The following KDM2A variants were observed in gnomAD, a reference collection of about 807,000 sequenced individuals.
KDM2A encodes lysine-specific demethylase 2A.
KDM2A carries 3 observed loss-of-function variants against 137.3 expected under a neutral mutation model. That is an observed-to-expected ratio of 0.02 (90% confidence interval 0.01 to 0.06). The LOEUF (loss-of-function observed/expected upper bound fraction) is 0.06, where lower values mean the gene tolerates loss of function less well. Among genes scored for constraint, KDM2A ranks in the 10% least tolerant of loss-of-function variants. The probability of loss-of-function intolerance (pLI) is 1.00; values close to 1 mark genes in which losing one functional copy is unlikely to be tolerated. For synonymous variants in KDM2A, 512 were observed against 541.5 expected (o/e 0.95, Z 0.76); for missense variants, 738 against 1,510.6 (o/e 0.49, Z 8.48).
chr11:67,175,504 G>A (rs953512816), intron 2 of KDM2A, among the ~76,000 whole-genome samples: 10 of 152,216 alleles, frequency 6.6e-5, no homozygotes, highest in African/African-American at 2.2e-4. Flanking sequence ...ATCAAAAAGA[G>A]ATCAGGAATT....
chr11:67,142,590 G>C (rs1221866033), intron 2 of KDM2A, among the ~76,000 whole-genome samples: 213 of 148,726 alleles, frequency 1.4e-3, no homozygotes, highest in African/African-American at 5.0e-3. Context: ...TTGGGGTTGG[G>C]GTTGGGGGGG....
chr11:67,179,354 A>G (rs1590752783), intron 2 of KDM2A, among the ~76,000 whole-genome samples: 1 of 151,518 alleles, frequency 6.6e-6, no homozygotes, highest in Admixed American at 6.6e-5. Flanking sequence ...GCTCACTGCA[A>G]CCTCCACCTC....
At chr11:67,168,285 A>C (rs1276202841) in intron 2 of KDM2A, among the ~76,000 whole-genome samples, 1 of 151,944 alleles carries the variant, frequency 6.6e-6, no homozygotes, top group Non-Finnish European at 1.5e-5. Flanking sequence ...ATGAATCAGC[A>C]TTTTTCTTAT....
chr11:67,221,098 T>G (rs1348270080), intron 10 of KDM2A, among the ~76,000 whole-genome samples: 2 of 152,040 alleles, frequency 1.3e-5, no homozygotes, highest in Non-Finnish European at 2.9e-5. Context: ...CCACTAAGTG[T>G]TGTTTGCTGG....
chr11:67,147,408 G>A (rs1856277463), intron 2 of KDM2A, among the ~76,000 whole-genome samples: 1 of 151,834 alleles, frequency 6.6e-6, no homozygotes, highest in African/African-American at 2.4e-5. Context: ...CGGGTGTGGT[G>A]GCGGGTGCCT....
chr11:67,245,039 T>C lies in KDM2A; in HGVS notation c.1564-150T>C. 1.2e-6 allele frequency: 1 copy of C among 802,888 alleles called. No homozygotes were observed. Among genetic ancestry groups the C allele is most frequent in the Non-Finnish European group, 2.0e-6 (1 of 502,072 alleles). 49.7% of individuals were successfully genotyped at this position (802,888 alleles called of 1,614,324 possible). On this transcript the variant is annotated intron_variant, in intron 13 of 20. Transcript: ENST00000529006. This position sits in a 1 kb window ranked among gnomAD's most constrained non-coding sequence, Gnocchi z 4.1. ...TAATACATACACAAGATGAGTTGTG[T>C]GTCAATAAAATTTATTCTAGAAACA...
At chr11:67,172,893 C>T (rs1048458235) in intron 2 of KDM2A, among the ~76,000 whole-genome samples, 16 of 151,526 alleles carry the variant, frequency 1.1e-4, no homozygotes, top group African/African-American at 3.9e-4. Context: ...ATGTTTTTCT[C>T]TTTTTTTTAT....
In KDM2A at chr11:67,250,020, C is replaced by T. The variant is rs772031865; in HGVS notation, c.2056-66C>T. On this transcript the variant is annotated intron_variant, in intron 16 of 20. Transcript: ENST00000529006. The surrounding 1 kb of genome is among the most constrained non-coding windows in gnomAD (Gnocchi z 7.1). ...TCCCCTGAGAGCAAGGGAGGTCCAC[C>T]CTGTCGGTTCAGAGGGTTTGGAAGA... The T allele has an allele frequency of 1.2e-4, 167 of 1,340,540 alleles. No individual in the cohort carries two copies. Among genetic ancestry groups the T allele is most frequent in the Non-Finnish European group, 1.6e-4 (161 of 980,790 alleles). The allele number at this position is 1,340,540 out of a possible 1,614,324, so 83.0% of individuals were successfully genotyped here.
rs189061464 is a variant in KDM2A at position 67,211,925 on chromosome 11, T to C, written c.487-3415T>C. 3.2e-4 allele frequency among the ~76,000 whole-genome samples: 48 copies of C among 152,290 alleles called. No homozygotes were observed. The East Asian group carries it at 8.3e-3, about 26-fold the overall frequency. ...GTACTAGAGATACAGTGGAAAATGA[T>C]ATCATTCTTGTTAGAGACTCAAAGA... On this transcript the variant is annotated intron_variant, in intron 6 of 20. Coordinates refer to ENST00000529006, the MANE Select transcript of KDM2A (RefSeq NM_012308.3).
Position 67,245,747 on chromosome 11 carries a change from G to T in KDM2A, c.1834-238G>T. The T allele has an allele frequency of 1.7e-6, 1 of 601,688 alleles. No individual in the cohort carries two copies. Among genetic ancestry groups the T allele is most frequent in the Non-Finnish European group, 2.9e-6 (1 of 347,214 alleles). The allele number at this position is 601,688 out of a possible 1,614,324, so 37.3% of individuals were successfully genotyped here. ...TTCAGGTAGATTAGAAAGGACCGGG[G>T]AGGCCAAGTATAGGCCAACTGAAAA... On this transcript the variant is annotated intron_variant, in intron 14 of 20. Transcript: ENST00000529006. The surrounding 1 kb of genome is among the most constrained non-coding windows in gnomAD (Gnocchi z 4.1).
At chr11:67,163,960 A>G (rs1263176870) in intron 2 of KDM2A, among the ~76,000 whole-genome samples, 1 of 152,000 alleles carries the variant, frequency 6.6e-6, no homozygotes, top group Non-Finnish European at 1.5e-5. Flanking sequence ...GGCTTCTGTT[A>G]TTACTAGTTA....
At chr11:67,134,695 G>T (rs1347109465) in intron 2 of KDM2A, among the ~76,000 whole-genome samples, 1 of 151,970 alleles carries the variant, frequency 6.6e-6, no homozygotes. Context: ...AGTGGAGACA[G>T]GATTTCGCCA....
intron 2 of KDM2A, among the ~76,000 whole-genome samples, chr11:67,125,138 G>A (rs1316796994): frequency 2.0e-5 from 3 of 151,774 alleles, no homozygotes; most frequent in Non-Finnish European, 4.4e-5. Context: ...TGGGATTACA[G>A]GCTTGAGCCA....
At chr11:67,141,155 C>T (rs1001725839) in intron 2 of KDM2A, among the ~76,000 whole-genome samples, 4 of 152,062 alleles carry the variant, frequency 2.6e-5, no homozygotes, top group African/African-American at 9.7e-5. Context: ...GGAACACAAG[C>T]ATCTGAAGAT....
chr11:67,207,011 T>G (rs1006215723), intron 5 of KDM2A, among the ~76,000 whole-genome samples: 3 of 152,230 alleles, frequency 2.0e-5, no homozygotes, highest in Admixed American at 6.5e-5. Flanking sequence ...ATAGCCCTGT[T>G]TAACAAAAGA....
chr11:67,245,173 T>G lies in KDM2A; in HGVS notation c.1564-16T>G. 1 of 1,610,964 alleles carries G rather than the reference T, an allele frequency of 6.2e-7. No homozygotes were observed. Among genetic ancestry groups the G allele is most frequent in the Non-Finnish European group, 8.5e-7 (1 of 1,178,012 alleles). ...AGCAACCTGATATATTTGACCTCAC[T>G]GCTTTCTCTTTCCAGCTTAAATTCC... On this transcript the variant is annotated splice_polypyrimidine_tract_variant and intron_variant, in intron 13 of 20. Transcript: ENST00000529006. The surrounding 1 kb of genome is among the most constrained non-coding windows in gnomAD (Gnocchi z 4.1).
chr11:67,215,642 G>GA (rs1455695760), intron 7 of KDM2A, 196 bp downstream of exon 7: 18 of 588,860 alleles, frequency 3.1e-5, no homozygotes, highest in South Asian at 6.7e-5. Context: ...ACAGTTAAAG[G>GA]AAAAAAAACT....
At chr11:67,148,643 A>G (rs1187709247) in intron 2 of KDM2A, among the ~76,000 whole-genome samples, 2 of 152,022 alleles carry the variant, frequency 1.3e-5, no homozygotes, top group Non-Finnish European at 1.5e-5. Flanking sequence ...TCTACTAAAA[A>G]TACGAAAATG....
intron 2 of KDM2A, among the ~76,000 whole-genome samples, chr11:67,159,795 G>A (rs767749045): frequency 6.6e-6 from 1 of 152,154 alleles, no homozygotes; most frequent in African/African-American, 2.4e-5. Context: ...AGACAATAGT[G>A]GGAATGGATC....
Sources: allele counts gnomAD v4.1 joint callset (sites outside exome capture counted in the v4.1 genomes callset), GRCh38; gene constraint gnomAD v4.1.1; non-coding constraint Gnocchi (gnomAD v3.1); transcripts MANE v1.5; gene names NCBI Gene and HGNC (gene_info 2026-07-23, HGNC 2026-07-21).